HGF: variants seen among roughly 807,000 people sequenced by gnomAD.
HGF encodes the protein hepatocyte growth factor, also known as fibroblast-derived tumor cytotoxic factor.
HGF carries 39 observed loss-of-function variants against 111.6 expected under a neutral mutation model. That is an observed-to-expected ratio of 0.35 (90% confidence interval 0.27 to 0.46). The LOEUF is 0.46. Among genes scored for constraint, HGF ranks in the 20% least tolerant of loss-of-function variants. The pLI, the probability that HGF is intolerant of heterozygous loss-of-function variation, is 1.00. For missense variants in HGF, 735 were observed against 910.5 expected (o/e 0.81, Z 2.48); for synonymous variants, 285 against 294.8 (o/e 0.97, Z 0.34).
chr7:81,743,523 C>T (rs746985193), intron 6 of HGF, 52 bp from the exon 7 acceptor site: 2 of 1,093,168 alleles, frequency 1.8e-6, no homozygotes, highest in Non-Finnish European at 2.8e-6. Context: ...GAAACACCAC[C>T]CACCCCTCAG....
chr7:81,739,443 C>T (rs763899444), intron 7 of HGF, among the ~76,000 whole-genome samples: 8 of 151,998 alleles, frequency 5.3e-5, no homozygotes, highest in Non-Finnish European at 8.8e-5. Context: ...GACACATGCA[C>T]GTATGTATAC....
chr7:81,741,562 T>C (rs1454192554), intron 7 of HGF, among the ~76,000 whole-genome samples: 1 of 149,652 alleles, frequency 6.7e-6, no homozygotes, highest in African/African-American at 2.5e-5. Flanking sequence ...TGCAGGTGAG[T>C]GTGTATGTGT....
At chr7:81,723,622 A>C (rs2115889248) in intron 9 of HGF, among the ~76,000 whole-genome samples, 1 of 151,110 alleles carries the variant, frequency 6.6e-6, no homozygotes, top group African/African-American at 2.4e-5. Flanking sequence ...GAAATTCTGT[A>C]ATTTCAGTTT....
At position 81,710,197 on chromosome 7, in the gene HGF, A is replaced by T. The variant is rs1227251753; in HGVS notation, c.1491T>A (p.Asn497Lys). 1 of 1,613,570 alleles carries T rather than the reference A, an allele frequency of 6.2e-7. No individual in the cohort carries two copies. The highest frequency in any genetic ancestry group is 1.3e-5 in the African/African-American group (1 of 74,916). The change falls in exon 13 of 18, where the codon AAT becomes AAA. Residue 497 changes from asparagine (N) to lysine (K), a missense_variant. This residue lies in a region of HGF where 553 missense variants were observed against 685.6 expected (regional missense o/e 0.81). Transcript: ENST00000222390. ...CAKTKQLRVV[N>K]GIPTRTNIGW... ...CTATGTTTGTTCGTGTTGGAATCCC[A>T]TTTACAACTCGCAATTGTTTCGTTT...
intron 2 of HGF, 35 bp from the exon 3 acceptor site, chr7:81,758,839 T>A (rs1788919828): frequency 1.7e-5 from 22 of 1,297,346 alleles, no homozygotes; most frequent in Middle Eastern, 1.9e-4. Context: ...GAAGAAATAC[T>A]ACTATTTATA....
intron 17 of HGF, among the ~76,000 whole-genome samples, chr7:81,703,502 C>T (rs529579570): frequency 2.0e-5 from 3 of 149,908 alleles, no homozygotes; most frequent in Non-Finnish European, 4.5e-5. Flanking sequence ...GAACAGATAG[C>T]TTTATTTGTG....
At chr7:81,703,684 C>T (rs1369013821) in intron 17 of HGF, among the ~76,000 whole-genome samples, 2 of 151,640 alleles carry the variant, frequency 1.3e-5, no homozygotes, top group Admixed American at 1.3e-4. Flanking sequence ...CCTTAGAATG[C>T]AGTGGCTGGC....
At chr7:81,755,806 T>C in intron 4 of HGF, 1 of 548,626 alleles carries the variant, frequency 1.8e-6, no homozygotes, top group South Asian at 2.4e-5. Context: ...TTCTACATAA[T>C]TGTAAGTAAC....
chr7:81,709,745 GTT>G (rs1789523289), intron 13 of HGF, among the ~76,000 whole-genome samples: 2 of 152,088 alleles, frequency 1.3e-5, no homozygotes, highest in African/African-American at 4.8e-5. Context: ...AAATATAAAT[GTT>G]TTGACATGAT....
chr7:81,735,721 A>G (rs1787805384), intron 7 of HGF, among the ~76,000 whole-genome samples: 1 of 152,026 alleles, frequency 6.6e-6, no homozygotes, highest in South Asian at 2.1e-4. Flanking sequence ...CTGCCATAAC[A>G]AGGCTGCAGA....
At position 81,706,389 on chromosome 7, in the gene HGF, T is replaced by C; in HGVS notation, c.1655A>G (p.Asp552Gly). The change falls in exon 15 of 18, where the codon GAT becomes GGT. Residue 552 changes from aspartate (D) to glycine (G), a missense_variant. By Grantham distance (94) the Asp-to-Gly change is moderately conservative (BLOSUM62 -1). Coordinates refer to ENST00000222390, the MANE Select transcript of HGF (RefSeq NM_000601.6). ...KDYEAWLGIH[D>G]VHGRGDEKCK... ...TTTCTCATCTCCTCTTCCGTGGACATCATGAATTCCAAGCCAAGCTTCATA... is the reference window on the plus strand; with the variant it reads ...TTTCTCATCTCCTCTTCCGTGGACACCATGAATTCCAAGCCAAGCTTCATA... 3.1e-6 allele frequency: 5 copies of C among 1,612,408 alleles called. No individual in the cohort carries two copies. The highest frequency in any genetic ancestry group is 4.2e-6 in the Non-Finnish European group (5 of 1,178,702).
chr7:81,736,042 G>T (rs935167030), intron 7 of HGF, among the ~76,000 whole-genome samples: 1 of 151,996 alleles, frequency 6.6e-6, no homozygotes, highest in African/African-American at 2.4e-5. Context: ...TGGATTTGGT[G>T]GGAGACACAA....
intron 6 of HGF, among the ~76,000 whole-genome samples, chr7:81,743,728 A>G (rs1788103988): frequency 6.6e-6 from 1 of 152,178 alleles, no homozygotes; most frequent in African/African-American, 2.4e-5. Context: ...CTGAGGTTCC[A>G]AATCGAGTCT....
At chr7:81,732,084 T>C (rs1031041728) in intron 7 of HGF, among the ~76,000 whole-genome samples, 27 of 152,200 alleles carry the variant, frequency 1.8e-4, no homozygotes, top group African/African-American at 5.8e-4. Flanking sequence ...AGCACTACTC[T>C]TATGCTGTGC....
chr7:81,739,852 G>T (rs1359991589), intron 7 of HGF, among the ~76,000 whole-genome samples: 1 of 152,064 alleles, frequency 6.6e-6, no homozygotes, highest in Non-Finnish European at 1.5e-5. Flanking sequence ...CCCTCCCTTT[G>T]CTTAATTTTT....
chr7:81,758,574 A>G (rs1034894123), intron 3 of HGF, 118 bp downstream of exon 3: 4 of 689,766 alleles, frequency 5.8e-6, no homozygotes, highest in South Asian at 4.8e-5. Flanking sequence ...TTGACTACAT[A>G]AAATATCTCA....
intron 5 of HGF, among the ~76,000 whole-genome samples, chr7:81,748,862 C>T (rs1004784335): frequency 6.6e-6 from 1 of 152,170 alleles, no homozygotes; most frequent in Non-Finnish European, 1.5e-5. Flanking sequence ...GCTTTCTCAT[C>T]ATACTAACCA....
intron 11 of HGF, among the ~76,000 whole-genome samples, chr7:81,715,328 C>T (rs1789680490): frequency 6.6e-6 from 1 of 151,966 alleles, no homozygotes; most frequent in Non-Finnish European, 1.5e-5. Flanking sequence ...TAAAACTGTA[C>T]TTAGAAAAAT....
intron 1 of HGF, among the ~76,000 whole-genome samples, chr7:81,764,762 C>A (rs1789276404): frequency 6.6e-6 from 1 of 151,942 alleles, no homozygotes; most frequent in African/African-American, 2.4e-5. Flanking sequence ...TTCTTCCAAG[C>A]AAAGAAGGCA....
Sources: allele counts gnomAD v4.1 joint callset (sites outside exome capture counted in the v4.1 genomes callset), GRCh38; gene constraint gnomAD v4.1.1; regional missense constraint gnomAD v4.1.1; transcripts MANE v1.5; gene names NCBI Gene and HGNC (gene_info 2026-07-23, HGNC 2026-07-21).